CUX2: variants seen among roughly 807,000 people sequenced by gnomAD.
The protein encoded by CUX2 is cut like homeobox 2, also known as homeobox protein cut-like 2.
A neutral mutation model predicts 144.8 loss-of-function variants in CUX2; 40 were observed. The ratio of observed to expected loss-of-function variants is 0.28; its 90% CI spans 0.21 to 0.36. The LOEUF is 0.36. Ranked by LOEUF, CUX2 falls within the 10% of genes least tolerant of loss-of-function variation. CUX2 has a pLI of 1.00. For synonymous variants in CUX2, 827 were observed against 875.6 expected (o/e 0.94, Z 0.98); for missense variants, 1,615 against 1,994.0 (o/e 0.81, Z 3.62).
chr12:111,072,198 G>T (rs1376113070), intron 1 of CUX2, among the ~76,000 whole-genome samples: 4 of 152,216 alleles, frequency 2.6e-5, no homozygotes, highest in Non-Finnish European at 4.4e-5. Context: ...TATAGATCAA[G>T]TTGGGAAGAA....
intron 3 of CUX2, among the ~76,000 whole-genome samples, chr12:111,253,201 A>T (rs1883652941): frequency 6.6e-6 from 1 of 152,110 alleles, no homozygotes; most frequent in Admixed American, 6.5e-5. Flanking sequence ...CGCGTGTCAG[A>T]TCACATGAAT....
chr12:111,249,852 C>T (rs1883480839), intron 3 of CUX2, among the ~76,000 whole-genome samples: 1 of 152,150 alleles, frequency 6.6e-6, no homozygotes, highest in Non-Finnish European at 1.5e-5. Flanking sequence ...TCCCCCACCC[C>T]AATTCCCCGA....
At chr12:111,303,915 C>T (rs1021225192) in intron 9 of CUX2, among the ~76,000 whole-genome samples, 16 of 152,184 alleles carry the variant, frequency 1.1e-4, no homozygotes, top group Admixed American at 6.5e-4. Flanking sequence ...CAGGAATGTT[C>T]TGACTCCTCT....
intron 1 of CUX2, among the ~76,000 whole-genome samples, chr12:111,097,179 A>T (rs1872869657): frequency 1.3e-5 from 2 of 152,192 alleles, no homozygotes; most frequent in Admixed American, 1.3e-4. Context: ...GCTCTGGTCC[A>T]GATACACCCA....
At chr12:111,262,793 T>G (rs1884190273) in intron 3 of CUX2, among the ~76,000 whole-genome samples, 1 of 152,264 alleles carries the variant, frequency 6.6e-6, no homozygotes, top group Non-Finnish European at 1.5e-5. Context: ...TTACGAGAGC[T>G]TTAACAATTT....
At chr12:111,244,816 C>T (rs907013888) in intron 3 of CUX2, among the ~76,000 whole-genome samples, 27 of 152,156 alleles carry the variant, frequency 1.8e-4, no homozygotes, top group African/African-American at 6.5e-4. Context: ...GAAACCTCAG[C>T]CCATGTCATT....
At chr12:111,237,265 G>A (rs912769187) in intron 3 of CUX2, among the ~76,000 whole-genome samples, 4 of 152,200 alleles carry the variant, frequency 2.6e-5, no homozygotes, top group African/African-American at 9.7e-5. Context: ...TTTATCCCAG[G>A]TAGCGAGCTG....
chr12:111,149,591 T>G (rs932251044), intron 1 of CUX2, among the ~76,000 whole-genome samples: 1 of 152,158 alleles, frequency 6.6e-6, no homozygotes, highest in Non-Finnish European at 1.5e-5. Flanking sequence ...CACCCCTGGT[T>G]GAAAACCCCT....
At chr12:111,235,700 A>G (rs1033874911) in intron 3 of CUX2, among the ~76,000 whole-genome samples, 1 of 152,122 alleles carries the variant, frequency 6.6e-6, no homozygotes, top group Admixed American at 6.5e-5. Flanking sequence ...TAGCCCAGGC[A>G]ACAGAGTAAG....
chr12:111,142,640 G>A (rs1056205876), intron 1 of CUX2, among the ~76,000 whole-genome samples: 1 of 151,906 alleles, frequency 6.6e-6, no homozygotes, highest in South Asian at 2.1e-4. Context: ...AGTGCTTATC[G>A]GTTCCTTTTG....
intron 4 of CUX2, among the ~76,000 whole-genome samples, chr12:111,273,185 G>C (rs1032666642): frequency 2.0e-5 from 3 of 152,180 alleles, no homozygotes; most frequent in Non-Finnish European, 4.4e-5. Context: ...GCCTCAGAGA[G>C]GGAGGCCTTT....
Position 111,347,914 on chromosome 12 carries a change from T to A in CUX2, c.4050T>A (p.Leu1350=), listed in dbSNP as rs1404043886. The change falls in exon 22 of 22, where the codon CTT becomes CTA. Residue 1350 remains leucine, a synonymous_variant. Coordinates refer to ENST00000261726, the MANE Select transcript of CUX2 (RefSeq NM_015267.4). ...GLPKVAPGPL[L]PGGSTPDCPS... ...CAAAAGTGGCTCCCGGGCCCCTCCT[T>A]CCAGGTGGATCCACCCCAGACTGTC... The A allele has an allele frequency of 1.2e-6, 2 of 1,614,054 alleles. No individual in the cohort carries two copies. Among genetic ancestry groups the A allele is most frequent in the Non-Finnish European group, 1.7e-6 (2 of 1,179,996 alleles).
chr12:111,063,443 T>C (rs1870877297), intron 1 of CUX2, among the ~76,000 whole-genome samples: 1 of 152,192 alleles, frequency 6.6e-6, no homozygotes. Context: ...TGTGAGACGC[T>C]GTGCTAGAGC....
intron 1 of CUX2, among the ~76,000 whole-genome samples, chr12:111,093,611 G>T (rs1421930835): frequency 3.9e-5 from 6 of 152,166 alleles, no homozygotes; most frequent in Admixed American, 2.6e-4. Context: ...AGCTCACCCA[G>T]GGCAGCAGGG....
intron 1 of CUX2, among the ~76,000 whole-genome samples, chr12:111,108,657 C>T (rs118134260): frequency 0.013 from 1,933 of 151,802 alleles, 25 homozygotes; most frequent in Non-Finnish European, 0.017. Flanking sequence ...TCTCTCTCTT[C>T]CCCCACCCCA....
intron 1 of CUX2, among the ~76,000 whole-genome samples, chr12:111,104,643 A>G (rs1308473294): frequency 6.6e-6 from 1 of 152,228 alleles, no homozygotes; most frequent in Non-Finnish European, 1.5e-5. Context: ...ATATTGAAGG[A>G]AAGGATCTGG....
rs199690542 is a variant in CUX2, at chr12:111,210,810, AGAC to A, written c.64-3389_64-3387del. Among the ~76,000 whole-genome samples, 130 of 144,100 alleles carry A rather than the reference AGAC, an allele frequency of 9.0e-4. 1 individual carries two copies. Among genetic ancestry groups the A allele is most frequent in the Admixed American group, 3.1e-3 (45 of 14,664 alleles). 94.5% of individuals were successfully genotyped at this position (144,100 alleles called of 152,430 possible). On this transcript the variant is annotated intron_variant, in intron 1 of 21. Coordinates refer to ENST00000261726, the MANE Select transcript of CUX2 (RefSeq NM_015267.4). ...GAGACCCTGTCTCAAAAAAAAAAAA[AGAC>A]AACATTTATTGAACACTTGAAGCTT...
intron 8 of CUX2, among the ~76,000 whole-genome samples, chr12:111,297,615 T>C (rs544522949): frequency 6.6e-6 from 1 of 152,350 alleles, no homozygotes; most frequent in East Asian, 1.9e-4. Flanking sequence ...TAAATTACTC[T>C]GGACTCAAGC....
intron 1 of CUX2, among the ~76,000 whole-genome samples, chr12:111,143,763 C>A (rs202182111): frequency 1.3e-5 from 2 of 152,244 alleles, no homozygotes; most frequent in Non-Finnish European, 1.5e-5. Flanking sequence ...GTCCACCACC[C>A]GGCTTCCCTG....
Sources: allele counts gnomAD v4.1 joint callset (sites outside exome capture counted in the v4.1 genomes callset), GRCh38; gene constraint gnomAD v4.1.1; transcripts MANE v1.5; gene names NCBI Gene and HGNC (gene_info 2026-07-23, HGNC 2026-07-21).